The following PCBP3 variants were observed in gnomAD, a reference collection of about 807,000 sequenced individuals.
PCBP3 encodes the protein poly(rC) binding protein 3, also known as poly(rC)-binding protein 3.
A neutral mutation model predicts 52.7 loss-of-function variants in PCBP3; 25 were observed. That is an observed-to-expected ratio of 0.47 (90% CI 0.35 to 0.66). PCBP3 has a LOEUF of 0.66. PCBP3 is among the 30% of genes least tolerant of loss of function. PCBP3 has a pLI of 0.01. For missense variants in PCBP3, 391 were observed against 490.3 expected, an observed-to-expected ratio of 0.80 and a Z score of 1.91; for synonymous variants, 162 against 183.0, an observed-to-expected ratio of 0.89 and a Z score of 0.93.
In PCBP3 at chr21:45,805,521, A is replaced by G. The variant is rs1036774055; in HGVS notation, c.-125-44440A>G. On this transcript the variant is annotated intron_variant, in intron 4 of 17. Coordinates refer to ENST00000681687, the MANE Select transcript of PCBP3 (RefSeq NM_001384156.1). This position sits in a 1 kb window ranked among gnomAD's most constrained non-coding sequence, Gnocchi z 4.6. ...AGTGGGGCCACCTGGGTTGGTGCCAACGAGGTGCTCAGAGGCCTTGTGGGC... is the reference window on the plus strand; with the variant it reads ...AGTGGGGCCACCTGGGTTGGTGCCAGCGAGGTGCTCAGAGGCCTTGTGGGC... 6.6e-5 allele frequency among the ~76,000 whole-genome samples: 10 copies of G among 152,154 alleles called. No individual in the cohort carries two copies. Among genetic ancestry groups the G allele is most frequent in the African/African-American group, 1.4e-4 (6 of 41,456 alleles).
intron 4 of PCBP3, among the ~76,000 whole-genome samples, chr21:45,797,757 A>C (rs1569235954): frequency 3.4e-4 from 2 of 5,800 alleles, no homozygotes; most frequent in Non-Finnish European, 4.3e-4. Flanking sequence ...AGAGAGAGTG[A>C]ATGGATGTGC....
At chr21:45,659,337 C>CTTTTTTTTTTTTTT in intron 1 of PCBP3, among the ~76,000 whole-genome samples, 1 of 78,748 alleles carries the variant, frequency 1.3e-5, no homozygotes, top group Non-Finnish European at 2.5e-5. Context: ...TTTTACTTTC[C>CTTTTTTTTTTTTTT]TTTTTTTTTT....
chr21:45,768,664 A>G (rs566026698), intron 4 of PCBP3, among the ~76,000 whole-genome samples: 1 of 152,238 alleles, frequency 6.6e-6, no homozygotes, highest in Non-Finnish European at 1.5e-5. Context: ...AGAACACTCC[A>G]GTTGAGTGCA....
At chr21:45,813,024 T>C (rs1018291002) in intron 4 of PCBP3, among the ~76,000 whole-genome samples, 3 of 152,218 alleles carry the variant, frequency 2.0e-5, no homozygotes, top group Admixed American at 1.3e-4. Context: ...TGTTTTTTTA[T>C]GGGAGTTTGT....
At chr21:45,913,700 G>A (rs2096449260) in intron 11 of PCBP3, among the ~76,000 whole-genome samples, 1 of 152,206 alleles carries the variant, frequency 6.6e-6, no homozygotes, top group Non-Finnish European at 1.5e-5. Flanking sequence ...GCCGGTGTGT[G>A]GCAAACTGCA....
intron 16 of PCBP3, among the ~76,000 whole-genome samples, chr21:45,938,714 C>T (rs1452717660): frequency 6.6e-6 from 1 of 152,066 alleles, no homozygotes; most frequent in Non-Finnish European, 1.5e-5. Context: ...TCCCAGCAGC[C>T]CTGGATTCTC....
chr21:45,651,790 C>T (rs1169757713), intron 1 of PCBP3, among the ~76,000 whole-genome samples: 1 of 152,182 alleles, frequency 6.6e-6, no homozygotes, highest in Non-Finnish European at 1.5e-5. Flanking sequence ...GTTTTTAAGT[C>T]CTTTTCTACC....
intron 3 of PCBP3, among the ~76,000 whole-genome samples, chr21:45,753,758 T>A (rs1329142340): frequency 6.6e-6 from 1 of 152,218 alleles, no homozygotes; most frequent in Non-Finnish European, 1.5e-5. Flanking sequence ...CAGAATTAAT[T>A]AGTACTCTGT....
chr21:45,862,055 A>T (rs553604224), intron 5 of PCBP3, among the ~76,000 whole-genome samples: 2 of 152,190 alleles, frequency 1.3e-5, no homozygotes, highest in South Asian at 4.2e-4. Flanking sequence ...ATGTAAGGGT[A>T]AAAAGGACCC....
chr21:45,913,898 A>T, intron 11 of PCBP3, 53 bp from the exon 12 acceptor site: 1 of 1,539,380 alleles, frequency 6.5e-7, no homozygotes. Context: ...CCCCATTGCC[A>T]GGCTGCGAAG....
chr21:45,744,543 G>T (rs539251046), intron 3 of PCBP3, among the ~76,000 whole-genome samples: 2 of 151,962 alleles, frequency 1.3e-5, no homozygotes, highest in African/African-American at 4.8e-5. Context: ...TTTATTTCTA[G>T]TACTTACTTC....
intron 4 of PCBP3, among the ~76,000 whole-genome samples, chr21:45,833,668 T>C (rs2147814136): frequency 6.6e-6 from 1 of 152,296 alleles, no homozygotes; most frequent in East Asian, 1.9e-4. Flanking sequence ...GCCTAGTGTA[T>C]GCGCCCATGA....
At chr21:45,826,310 A>G (rs752398421) in intron 4 of PCBP3, among the ~76,000 whole-genome samples, 1 of 152,152 alleles carries the variant, frequency 6.6e-6, no homozygotes, top group Non-Finnish European at 1.5e-5. Flanking sequence ...AGACAAGTCC[A>G]GGTGTCATGT....
chr21:45,849,517 T>C (rs1404191778), intron 4 of PCBP3, among the ~76,000 whole-genome samples: 1 of 151,926 alleles, frequency 6.6e-6, no homozygotes, highest in African/African-American at 2.4e-5. Flanking sequence ...CAAATGTGCC[T>C]TTTTTTTCCA....
chr21:45,888,047 G>C (rs1234064279), intron 5 of PCBP3, among the ~76,000 whole-genome samples: 1 of 152,176 alleles, frequency 6.6e-6, no homozygotes, highest in Non-Finnish European at 1.5e-5. Context: ...CGGTTCTCAG[G>C]GTCTCTCCTC....
intron 4 of PCBP3, among the ~76,000 whole-genome samples, chr21:45,824,504 G>A (rs1052576103): frequency 1.2e-4 from 19 of 152,200 alleles, no homozygotes; most frequent in East Asian, 1.9e-4. Flanking sequence ...GATTTCTCCC[G>A]TTGGGATTGC....
chr21:45,761,571 C>T (rs923019628), intron 4 of PCBP3: 5 of 152,306 alleles, frequency 3.3e-5, no homozygotes, highest in African/African-American at 1.2e-4. Flanking sequence ...TGTATGTTCT[C>T]AGATGACCGT....
chr21:45,771,796 G>A (rs955666690), intron 4 of PCBP3, among the ~76,000 whole-genome samples: 2 of 152,130 alleles, frequency 1.3e-5, no homozygotes, highest in Non-Finnish European at 2.9e-5. Flanking sequence ...AATTGAAAAA[G>A]AAGAAGTAAA....
chr21:45,876,808 C>G (rs547576391), intron 5 of PCBP3, among the ~76,000 whole-genome samples: 3 of 152,402 alleles, frequency 2.0e-5, no homozygotes, highest in Non-Finnish European at 4.4e-5. Flanking sequence ...ATCCCCCAGA[C>G]AGCTGAGGCC....
Sources: gnomAD v4.1 joint callset for allele counts (sites outside exome capture counted in the v4.1 genomes callset) on GRCh38, gnomAD v4.1.1 for gene constraint, Gnocchi (gnomAD v3.1) non-coding constraint, MANE v1.5 for transcripts, NCBI Gene and HGNC (gene_info 2026-07-23, HGNC 2026-07-21) for gene names.